LRPPRC: variants seen among roughly 807,000 people sequenced by gnomAD.
The protein encoded by LRPPRC is leucine-rich PPR motif-containing protein, mitochondrial.
Under a neutral mutation model 180.3 loss-of-function variants are expected in LRPPRC, and 120 were observed. The observed-to-expected ratio is 0.67, with a 90% CI of 0.57 to 0.77. The LOEUF is 0.77. Ranked by LOEUF, LRPPRC falls within the 30% of genes least tolerant of loss-of-function variation. LRPPRC has a pLI of 0.00. For synonymous variants in LRPPRC, 723 were observed against 600.0 expected (o/e 1.21, Z -3.00); for missense variants, 2,012 against 1,657.2 (o/e 1.21, Z -3.72).
intron 15 of LRPPRC, 82 bp from the exon 16 acceptor site, chr2:43,949,741 A>G (rs1672827544): frequency 1.1e-6 from 1 of 914,492 alleles, no homozygotes; most frequent in South Asian, 1.4e-5. Context: ...TCTTGAAATA[A>G]TAAAACCTCT....
chr2:43,982,310 G>T lies in LRPPRC; in HGVS notation c.274C>A (p.Leu92Ile). 6.2e-7 allele frequency: 1 copy of T among 1,609,094 alleles called. No individual in the cohort carries two copies. Among genetic ancestry groups the T allele is most frequent in the South Asian group, 1.1e-5 (1 of 89,814 alleles). ...QFDWALMRLD[L>I]SVRRTGRIPK... ...ATGCGGCCAGTTCTTCGAACAGAAA[G>T]ATCTAGTCTCATTAGAGCCCAATCA... The change falls in exon 2 of 38, where the codon CTT becomes ATT. Residue 92 changes from leucine (L) to isoleucine (I), a missense_variant. Leu to Ile is a conservative substitution (Grantham distance 5). Transcript: ENST00000260665.
At chr2:43,975,028 T>TA in intron 7 of LRPPRC, 63 bp downstream of exon 7, 1 of 1,552,366 alleles carries the variant, frequency 6.4e-7, no homozygotes, top group Non-Finnish European at 8.8e-7. Context: ...CTGCCTCATG[T>TA]AAAACATAAC....
chr2:43,989,983 G>A (rs1209107895), intron 1 of LRPPRC, among the ~76,000 whole-genome samples: 1 of 152,292 alleles, frequency 6.6e-6, no homozygotes, highest in East Asian at 1.9e-4. Context: ...GGAGGCTGAG[G>A]TGGTGGATCA....
intron 31 of LRPPRC, 160 bp from the exon 32 acceptor site, chr2:43,901,684 T>C: frequency 1.6e-6 from 1 of 625,646 alleles, no homozygotes; most frequent in Non-Finnish European, 2.8e-6. Flanking sequence ...CTTCATGAGA[T>C]ACCCCCAAAA....
chr2:43,967,333 T>C (rs1673603173), intron 11 of LRPPRC, among the ~76,000 whole-genome samples: 2 of 152,196 alleles, frequency 1.3e-5, no homozygotes, highest in African/African-American at 2.4e-5. Flanking sequence ...AGGTCAAGGC[T>C]GACAGAGTGA....
chr2:43,915,198 ACTCTCTCT>A lies in LRPPRC; in HGVS notation c.3149-2648_3149-2641del, dbSNP rs142492838. ...ACTCCGGCCTGGGCAACAGAACAAGACTCTCTCTCTCTCTCTCTCTCTCTCTCTCTCTC... is the reference window on the plus strand; with the variant it reads ...ACTCCGGCCTGGGCAACAGAACAAGACTCTCTCTCTCTCTCTCTCTCTCTC... On this transcript the variant is annotated intron_variant, in intron 29 of 37. Coordinates refer to ENST00000260665, the MANE Select transcript of LRPPRC (RefSeq NM_133259.4). Among the ~76,000 whole-genome samples the A allele has an allele frequency of 5.7e-3, 361 of 63,414 alleles. 4 individuals are homozygous for A. Among genetic ancestry groups the A allele is most frequent in the African/African-American group, 9.8e-3 (215 of 21,956 alleles). The allele number at this position is 63,414 out of a possible 152,430, so 41.6% of individuals were successfully genotyped here.
intron 13 of LRPPRC, among the ~76,000 whole-genome samples, chr2:43,959,637 G>A (rs1673257429): frequency 2.0e-5 from 3 of 152,156 alleles, no homozygotes; most frequent in South Asian, 2.1e-4. Flanking sequence ...AGGCGCAGTG[G>A]CTCACACCTG....
At position 43,963,668 on chromosome 2, in the gene LRPPRC, C is replaced by G; in HGVS notation, c.1408G>C (p.Val470Leu). The G allele has an allele frequency of 6.2e-7, 1 of 1,608,616 alleles. No homozygotes were observed. The highest frequency in any genetic ancestry group is 8.5e-7 in the Non-Finnish European group (1 of 1,175,196). The stretch of plus-strand genomic sequence containing the variant: ...GTATATGTTTCCTGATCAGGATGTA[C>G]TCCCAATTCTTGCATTCCTTTGAGG... ...EILKGMQELG[V>L]HPDQETYTDY... The change falls in exon 12 of 38, where the codon GTA (valine) becomes CTA (leucine). Residue 470 changes from valine (V) to leucine (L), a missense_variant. Physicochemically the swap from Val to Leu is conservative, Grantham distance 32. Transcript: ENST00000260665.
chr2:43,995,618 G>A (rs543529342), intron 1 of LRPPRC, among the ~76,000 whole-genome samples, 181 bp downstream of exon 1: 1 of 152,344 alleles, frequency 6.6e-6, no homozygotes, highest in Non-Finnish European at 1.5e-5. Flanking sequence ...CCTTCTGAAG[G>A]CGCTTAACCC....
At chr2:43,916,950 GAA>G (rs763964823) in intron 29 of LRPPRC, among the ~76,000 whole-genome samples, 10 of 118,140 alleles carry the variant, frequency 8.5e-5, no homozygotes, top group Admixed American at 1.8e-4. Flanking sequence ...TCTCCGGGGG[GAA>G]AAAAAAAAAA....
rs1319621635 is a variant in LRPPRC at position 43,915,258 on chromosome 2, A to T, written c.3149-2700T>A. Among the ~76,000 whole-genome samples the T allele has an allele frequency of 6.6e-3, 951 of 143,264 alleles. 11 individuals carry two copies. The highest frequency in any genetic ancestry group is 0.025 in the African/African-American group (886 of 35,470). 94.0% of individuals were successfully genotyped at this position (143,264 alleles called of 152,430 possible). ...CACACACACACACACACACACACAC[A>T]CACACACACACACACACACAAGTTC... On this transcript the variant is annotated intron_variant, in intron 29 of 37. Coordinates refer to ENST00000260665, the MANE Select transcript of LRPPRC (RefSeq NM_133259.4).
intron 25 of LRPPRC, among the ~76,000 whole-genome samples, chr2:43,930,825 T>C (rs1672062066): frequency 1.3e-5 from 2 of 152,204 alleles, no homozygotes; most frequent in African/African-American, 2.4e-5. Context: ...TCGTGAGTTC[T>C]AGTCCAATAC....
At chr2:43,888,896 G>A (rs1670372194) in intron 37 of LRPPRC, among the ~76,000 whole-genome samples, 1 of 151,710 alleles carries the variant, frequency 6.6e-6, no homozygotes, top group African/African-American at 2.4e-5. Flanking sequence ...GTGTGTATGT[G>A]CAAGCATGTG....
At chr2:43,893,661 T>C (rs1424504778) in intron 36 of LRPPRC, among the ~76,000 whole-genome samples, 2 of 152,244 alleles carry the variant, frequency 1.3e-5, no homozygotes, top group Non-Finnish European at 2.9e-5. Flanking sequence ...AAAAAATTCA[T>C]GTAACTTTGT....
chr2:43,945,936 G>A (rs529370894), intron 21 of LRPPRC, among the ~76,000 whole-genome samples, 177 bp downstream of exon 21: 1 of 139,876 alleles, frequency 7.1e-6, no homozygotes, highest in South Asian at 2.6e-4. Context: ...ACACCTTGCT[G>A]AACATAAGCC....
At chr2:43,889,314 CAAAA>C (rs780032604) in intron 37 of LRPPRC, among the ~76,000 whole-genome samples, 3,102 of 37,844 alleles carry the variant, frequency 0.082, 20 homozygotes, top group South Asian at 0.25. Context: ...GACTCCATCT[CAAAA>C]AAAAAAAAAA....
At chr2:43,895,381 C>T (rs1418024666) in intron 35 of LRPPRC, among the ~76,000 whole-genome samples, 1 of 152,192 alleles carries the variant, frequency 6.6e-6, no homozygotes, top group African/African-American at 2.4e-5. Context: ...GACCTGCATC[C>T]TCCCAGGGCT....
At chr2:43,965,009 T>C (rs903588725) in intron 11 of LRPPRC, among the ~76,000 whole-genome samples, 5 of 152,158 alleles carry the variant, frequency 3.3e-5, no homozygotes, top group African/African-American at 7.2e-5. Flanking sequence ...AGCAAGACCT[T>C]GTCTTTTTTT....
chr2:43,889,247 G>A lies in LRPPRC; in HGVS notation c.4128+487C>T, dbSNP rs562299814. ...GGAGAATCGCTTGGACCTGGGAGGC[G>A]GAGGTTGCAGTGAGCCGAGACCGTG... On this transcript the variant is annotated intron_variant, in intron 37 of 37. Coordinates refer to ENST00000260665, the MANE Select transcript of LRPPRC (RefSeq NM_133259.4). 3.5e-5 allele frequency among the ~76,000 whole-genome samples: 5 copies of A among 142,692 alleles called. No homozygotes were observed. The South Asian group carries it at 9.1e-4, about 26-fold the overall frequency. The allele number at this position is 142,692 out of a possible 152,430, so 93.6% of individuals were successfully genotyped here.
Sources: allele counts gnomAD v4.1 joint callset (sites outside exome capture counted in the v4.1 genomes callset), GRCh38; gene constraint gnomAD v4.1.1; transcripts MANE v1.5; gene names NCBI Gene and HGNC (gene_info 2026-07-23, HGNC 2026-07-21).